The following PLXNA1 variants were observed in gnomAD, a reference collection of about 807,000 sequenced individuals.
PLXNA1 encodes the protein plexin-A1.
A neutral mutation model predicts 191.7 loss-of-function variants in PLXNA1; 77 were observed. The observed-to-expected ratio is 0.40, with a 90% confidence interval of 0.33 to 0.49. The LOEUF (loss-of-function observed/expected upper bound fraction) is 0.49, where lower values mean the gene tolerates loss of function less well. PLXNA1 is among the 20% of genes least tolerant of loss of function. The pLI, the probability that PLXNA1 is intolerant of heterozygous loss-of-function variation, is 0.63. For synonymous variants in PLXNA1, 1,137 were observed against 1,156.4 expected, an observed-to-expected ratio of 0.98 and a Z score of 0.34; for missense variants, 2,110 against 2,660.2, an observed-to-expected ratio of 0.79 and a Z score of 4.55.
intron 25 of PLXNA1, 42 bp downstream of exon 25, chr3:127,028,382 G>A: frequency 6.3e-7 from 1 of 1,581,356 alleles, no homozygotes; most frequent in Non-Finnish European, 8.6e-7. Context: ...GTGTGCTGGA[G>A]CAGAGGGGCA....
At chr3:127,013,232 C>T (rs2079104069) in intron 10 of PLXNA1, among the ~76,000 whole-genome samples, 1 of 152,236 alleles carries the variant, frequency 6.6e-6, no homozygotes, top group Non-Finnish European at 1.5e-5. Flanking sequence ...GCCTGCCCTG[C>T]ACTTTCCACC....
rs2079109158 is a variant in PLXNA1, at chr3:127,014,153, G to A, written c.2411-29G>A. 3 of 1,612,556 alleles carry A rather than the reference G, an allele frequency of 1.9e-6. No individual in the cohort carries two copies. The African/African-American group carries it at 4.0e-5, about 22-fold the overall frequency. ...CCCCGGCGGGGTGGGCAGTGGGCGG[G>A]CCCGAGCTGACCGCACCCCTCCCCA... On this transcript the variant is annotated intron_variant, in intron 11 of 31. Transcript: ENST00000393409.
chr3:126,988,674 G>A lies in PLXNA1; in HGVS notation c.81G>A (p.Glu27=). 1 of 1,579,766 alleles carries A rather than the reference G, an allele frequency of 6.3e-7. No individual in the cohort carries two copies. The highest frequency in any genetic ancestry group is 1.2e-5 in the South Asian group (1 of 85,032). The change falls in exon 2 of 32, where the codon GAG becomes GAA. Residue 27 remains glutamate (E), a synonymous_variant. Transcript: ENST00000393409. ...TGCTGCTGCCGGGCATGTGGGCTGA[G>A]GCAGGCTTGCCCAGGGCAGGCGGGG... ...LLLLLPGMWA[E]AGLPRAGGGS...
chr3:127,028,296 G>T lies in PLXNA1; in HGVS notation c.4625G>T (p.Gly1542Val). The T allele has an allele frequency of 6.2e-7, 1 of 1,612,662 alleles. No individual in the cohort carries two copies. Among genetic ancestry groups the T allele is most frequent in the Non-Finnish European group, 8.5e-7 (1 of 1,179,974 alleles). Residue 1542 changes from glycine to valine, a missense_variant, in exon 25 of 32, where the codon GGC (glycine) becomes GTC (valine). By Grantham distance (109) the Gly-to-Val change is moderately radical (BLOSUM62 -3). Transcript: ENST00000393409. ...KEKLLDAAYK[G>V]VPYSQRPKAA... ...AAGCTGCTGGACGCTGCCTACAAGG[G>T]CGTGCCCTACTCCCAGCGGCCCAAG...
intron 23 of PLXNA1, chr3:127,026,903 TC>T (rs2079179224): frequency 6.5e-6 from 1 of 152,734 alleles, no homozygotes; most frequent in African/African-American, 2.4e-5. Flanking sequence ...CGTGAACGTT[TC>T]CCAGGGACAG....
Position 126,989,721 on chromosome 3 carries a change from C to T in PLXNA1, c.1128C>T (p.Cys376=). Residue 376 remains cysteine (C), a synonymous_variant, in exon 2 of 32, where the codon TGC becomes TGT. Coordinates refer to ENST00000393409, the MANE Select transcript of PLXNA1 (RefSeq NM_032242.4). ...KEKIKERIQS[C]YRGEGKLSLP... Reference sequence around the variant, plus strand: ...AGATTAAGGAGCGCATCCAGTCCTGCTACCGTGGTGAGGGCAAGCTCTCCC... The same window carrying T: ...AGATTAAGGAGCGCATCCAGTCCTGTTACCGTGGTGAGGGCAAGCTCTCCC... 1 of 1,613,076 alleles carries T rather than the reference C, an allele frequency of 6.2e-7. No homozygotes were observed. Among genetic ancestry groups the T allele is most frequent in the Non-Finnish European group, 8.5e-7 (1 of 1,179,996 alleles).
chr3:126,987,754 C>G (rs907314716), intron 1 of PLXNA1, among the ~76,000 whole-genome samples: 8 of 151,380 alleles, frequency 5.3e-5, no homozygotes, highest in Non-Finnish European at 1.0e-4. Context: ...GCCAGGGAGC[C>G]TGGGAAGGGG....
intron 1 of PLXNA1, among the ~76,000 whole-genome samples, chr3:126,983,597 A>G (rs1177264266): frequency 2.7e-5 from 4 of 146,922 alleles, no homozygotes; most frequent in African/African-American, 9.8e-5. Flanking sequence ...CCCGGGATCC[A>G]GCGCCGCGGC....
intron 7 of PLXNA1, 134 bp downstream of exon 7, chr3:127,005,377 G>GT: frequency 8.6e-7 from 1 of 1,164,416 alleles, no homozygotes; most frequent in Non-Finnish European, 1.2e-6. Flanking sequence ...GATATGGGTG[G>GT]GGGTCTCACC....
intron 2 of PLXNA1, 52 bp from the exon 3 acceptor site, chr3:126,991,332 C>A: frequency 6.3e-7 from 1 of 1,596,088 alleles, no homozygotes; most frequent in East Asian, 2.2e-5. Context: ...GAGGCCCAGT[C>A]CTCCGGGAGA....
intron 3 of PLXNA1, among the ~76,000 whole-genome samples, chr3:126,997,636 G>A (rs906869587): frequency 5.3e-5 from 8 of 152,180 alleles, no homozygotes; most frequent in Non-Finnish European, 1.0e-4. Flanking sequence ...CCCCCTTTCC[G>A]CCTCTCCTGG....
At chr3:126,996,542 G>T (rs1048495849) in intron 3 of PLXNA1, among the ~76,000 whole-genome samples, 2 of 152,176 alleles carry the variant, frequency 1.3e-5, no homozygotes, top group African/African-American at 4.8e-5. Context: ...CCTGTCCAGG[G>T]TCTGTGCCAG....
intron 3 of PLXNA1, among the ~76,000 whole-genome samples, chr3:126,995,879 G>A (rs1160891380): frequency 2.6e-5 from 4 of 152,172 alleles, no homozygotes; most frequent in Non-Finnish European, 5.9e-5. Context: ...GGAGGCTTGG[G>A]GCTTGAAGTT....
intron 29 of PLXNA1, among the ~76,000 whole-genome samples, 191 bp downstream of exon 29, chr3:127,030,603 G>A (rs1445270013): frequency 2.0e-5 from 3 of 152,178 alleles, no homozygotes; most frequent in South Asian, 4.1e-4. Context: ...CTTGACCCAC[G>A]GCTCGCCCTC....
Position 127,022,150 on chromosome 3 carries a change from G to A in PLXNA1, c.4104G>A (p.Leu1368=). 1 of 1,613,390 alleles carries A rather than the reference G, an allele frequency of 6.2e-7. No homozygotes were observed. The highest frequency in any genetic ancestry group is 8.5e-7 in the Non-Finnish European group (1 of 1,180,000). Residue 1368 remains leucine, a synonymous_variant, in exon 22 of 32, where the codon CTG becomes CTA. Coordinates refer to ENST00000393409, the MANE Select transcript of PLXNA1 (RefSeq NM_032242.4). ...AGCTGCTGACCAAGAAGCACTTCCT[G>A]CTGACCTTCATCCGCACGCTGGAGG... ...FGQLLTKKHF[L]LTFIRTLEAQ...
chr3:127,018,912 G>A (rs1318720350), intron 20 of PLXNA1, among the ~76,000 whole-genome samples: 2 of 152,238 alleles, frequency 1.3e-5, no homozygotes, highest in African/African-American at 4.8e-5. Context: ...GGGTTGGCTG[G>A]TGCCAGCGGA....
chr3:127,029,697 T>C (rs1203548853), intron 27 of PLXNA1, among the ~76,000 whole-genome samples, 161 bp downstream of exon 27: 1 of 152,210 alleles, frequency 6.6e-6, no homozygotes, highest in East Asian at 1.9e-4. Flanking sequence ...CTCTGGAGGC[T>C]GCGCCTCCTC....
At chr3:127,018,706 C>T (rs1217057967) in intron 20 of PLXNA1, among the ~76,000 whole-genome samples, 178 bp downstream of exon 20, 1 of 152,232 alleles carries the variant, frequency 6.6e-6, no homozygotes, top group Non-Finnish European at 1.5e-5. Context: ...CTGACCAGGG[C>T]CTGGCCCTGC....
rs140504052 is a variant in PLXNA1 at position 127,028,298 on chromosome 3, G to A, written c.4627G>A (p.Val1543Met). ...EKLLDAAYKG[V>M]PYSQRPKAAD... ...GCTGCTGGACGCTGCCTACAAGGGC[G>A]TGCCCTACTCCCAGCGGCCCAAGGC... is the stretch of plus-strand genomic sequence containing the variant. The change falls in exon 25 of 32, where the codon GTG becomes ATG. Residue 1543 changes from valine (V) to methionine (M), a missense_variant. Val to Met is a conservative substitution (Grantham distance 21, BLOSUM62 1). Around this residue, in one of 4 missense-constraint regions of PLXNA1, gnomAD observed 559 missense variants for 911.5 expected, o/e 0.61. Coordinates refer to ENST00000393409, the MANE Select transcript of PLXNA1 (RefSeq NM_032242.4). 13 of 1,612,616 alleles carry A rather than the reference G, an allele frequency of 8.1e-6. No individual in the cohort carries two copies. Among genetic ancestry groups the A allele is most frequent in the African/African-American group, 1.3e-5 (1 of 75,070 alleles).
Sources: gnomAD v4.1 joint callset for allele counts (sites outside exome capture counted in the v4.1 genomes callset) on GRCh38, gnomAD v4.1.1 for gene constraint, gnomAD v4.1.1 regional missense constraint, MANE v1.5 for transcripts, NCBI Gene and HGNC (gene_info 2026-07-23, HGNC 2026-07-21) for gene names.